Variants in APLF observed in about 807,000 individuals in gnomAD.
APLF encodes aprataxin and PNK-like factor.
Under a neutral mutation model 55.6 loss-of-function variants are expected in APLF, and 61 were observed. The ratio of observed to expected loss-of-function variants is 1.10; its 90% CI spans 0.89 to 1.36. The LOEUF (loss-of-function observed/expected upper bound fraction) is 1.36, where lower values mean the gene tolerates loss of function less well. Among genes scored for constraint, APLF ranks in the 40% most tolerant of loss-of-function variants. The pLI, the probability that APLF is intolerant of heterozygous loss-of-function variation, is 0.00. For missense variants in APLF, 611 were observed against 602.5 expected, an observed-to-expected ratio of 1.01 and a Z score of -0.15; for synonymous variants, 207 against 214.8, an observed-to-expected ratio of 0.96 and a Z score of 0.32.
chr2:68,487,346 A>G (rs749655323), intron 1 of APLF, among the ~76,000 whole-genome samples: 1 of 152,146 alleles, frequency 6.6e-6, no homozygotes, highest in Non-Finnish European at 1.5e-5. Context: ...GAGGGATGCA[A>G]TACAACGTTA....
intron 1 of APLF, among the ~76,000 whole-genome samples, chr2:68,476,820 A>C (rs996059679): frequency 6.6e-6 from 1 of 152,154 alleles, no homozygotes; most frequent in Non-Finnish European, 1.5e-5. Flanking sequence ...TCCTGGAAAT[A>C]GAAGTGATGG....
At chr2:68,513,721 A>T (rs756524069) in intron 5 of APLF, 41 bp downstream of exon 5, 1 of 1,594,446 alleles carries the variant, frequency 6.3e-7, no homozygotes, top group Non-Finnish European at 8.5e-7. Flanking sequence ...TAAAGGAAAC[A>T]TTAAACAGAA....
Position 68,477,514 on chromosome 2 carries a change from G to A in APLF, c.96+9687G>A, listed in dbSNP as rs549159427. On this transcript the variant is annotated intron_variant, in intron 1 of 9. Coordinates refer to ENST00000303795, the MANE Select transcript of APLF (RefSeq NM_173545.3). Reference sequence around the variant, plus strand: ...AAATTAGCTAGGCATGGTGGTACATGCCTGTAATCCCAGCTACTCGGAGGC... The same window carrying A: ...AAATTAGCTAGGCATGGTGGTACATACCTGTAATCCCAGCTACTCGGAGGC... Among the ~76,000 whole-genome samples the A allele has an allele frequency of 6.6e-5, 10 of 152,130 alleles. No individual in the cohort carries two copies. The South Asian group carries it at 2.1e-3, about 32-fold the overall frequency.
intron 3 of APLF, among the ~76,000 whole-genome samples, chr2:68,505,025 A>G (rs575877345): frequency 2.2e-4 from 34 of 152,180 alleles, no homozygotes; most frequent in South Asian, 6.2e-4. Flanking sequence ...AAACTAATCA[A>G]ATTTCACACT....
chr2:68,566,486 A>G (rs1285757392), intron 8 of APLF, among the ~76,000 whole-genome samples: 1 of 152,096 alleles, frequency 6.6e-6, no homozygotes, highest in Non-Finnish European at 1.5e-5. Context: ...CATTCAGCCA[A>G]TACTTGCTGA....
At chr2:68,499,023 A>G (rs950275965) in intron 2 of APLF, among the ~76,000 whole-genome samples, 3 of 152,138 alleles carry the variant, frequency 2.0e-5, no homozygotes, top group African/African-American at 7.2e-5. Context: ...TTAAAAAAAA[A>G]AGCTTTCCAA....
At chr2:68,561,613 A>G (rs1206470569) in intron 8 of APLF, among the ~76,000 whole-genome samples, 3 of 152,120 alleles carry the variant, frequency 2.0e-5, no homozygotes, top group Non-Finnish European at 4.4e-5. Context: ...TTCCTGAGGA[A>G]GTAATGTGCG....
intron 5 of APLF, among the ~76,000 whole-genome samples, chr2:68,521,733 C>T (rs1352830763): frequency 2.0e-5 from 3 of 151,940 alleles, no homozygotes; most frequent in Admixed American, 2.0e-4. Context: ...ATCTTCTAAG[C>T]TACCAACGTG....
intron 2 of APLF, among the ~76,000 whole-genome samples, chr2:68,492,833 T>C (rs1676414051): frequency 1.3e-5 from 2 of 152,216 alleles, no homozygotes; most frequent in Admixed American, 1.3e-4. Flanking sequence ...ATTTAAGTTA[T>C]ACCTCTGTTT....
chr2:68,511,118 A>G (rs1337273424), intron 3 of APLF, among the ~76,000 whole-genome samples: 1 of 151,792 alleles, frequency 6.6e-6, no homozygotes, highest in African/African-American at 2.4e-5. Context: ...AACTCTGTTA[A>G]CATACTAATA....
chr2:68,574,061 T>C (rs1241037467), intron 9 of APLF, among the ~76,000 whole-genome samples: 2 of 151,386 alleles, frequency 1.3e-5, no homozygotes, highest in African/African-American at 4.9e-5. Flanking sequence ...TACCTGGACT[T>C]AGAAGTGTTA....
chr2:68,537,836 C>T (rs745457167), intron 6 of APLF, 36 bp from the exon 7 acceptor site: 170 of 1,422,186 alleles, frequency 1.2e-4, no homozygotes, highest in Non-Finnish European at 1.5e-4. Context: ...AAAAATGTTT[C>T]ATTTATTTCT....
chr2:68,572,982 A>G (rs946098179), intron 9 of APLF, among the ~76,000 whole-genome samples: 2 of 152,222 alleles, frequency 1.3e-5, no homozygotes, highest in African/African-American at 4.8e-5. Context: ...TAACAGTGAA[A>G]TTTTAAATTG....
chr2:68,508,143 A>G (rs1418046670), intron 3 of APLF, among the ~76,000 whole-genome samples: 2 of 151,946 alleles, frequency 1.3e-5, no homozygotes, highest in South Asian at 4.1e-4. Flanking sequence ...AGACTTAAGA[A>G]TAACTTAATT....
chr2:68,561,987 T>C (rs1671178673), intron 8 of APLF, among the ~76,000 whole-genome samples: 1 of 152,022 alleles, frequency 6.6e-6, no homozygotes, highest in South Asian at 2.1e-4. Flanking sequence ...ATGGAATCCA[T>C]GTAAGTGTCC....
intron 9 of APLF, among the ~76,000 whole-genome samples, chr2:68,570,645 A>G (rs1440592122): frequency 6.6e-6 from 1 of 152,168 alleles, no homozygotes; most frequent in African/African-American, 2.4e-5. Context: ...ATGGCTGCAT[A>G]GTATTCCACG....
At chr2:68,518,752 T>TATAATAAAATATTAATAATATATCATTAC (rs1669762003) in intron 5 of APLF, among the ~76,000 whole-genome samples, 3 of 121,476 alleles carry the variant, frequency 2.5e-5, no homozygotes, top group African/African-American at 1.0e-4. Flanking sequence ...ATCATTAATA[T>TATAATAAAATATTAATAATATATCATTAC]ATAATAAAAT....
chr2:68,508,128 T>C (rs992434767), intron 3 of APLF, among the ~76,000 whole-genome samples: 1 of 151,824 alleles, frequency 6.6e-6, no homozygotes, highest in African/African-American at 2.4e-5. Context: ...TGGAATATAT[T>C]TGAAAGACTT....
chr2:68,560,989 ATAT>A (rs201103580), intron 8 of APLF, among the ~76,000 whole-genome samples: 2,099 of 152,242 alleles, frequency 0.014, 40 homozygotes, highest in African/African-American at 0.046. Context: ...ATGTTAGAAA[ATAT>A]TATATAAATG....
Sources: allele counts gnomAD v4.1 joint callset (sites outside exome capture counted in the v4.1 genomes callset), GRCh38; gene constraint gnomAD v4.1.1; transcripts MANE v1.5; gene names NCBI Gene and HGNC (gene_info 2026-07-23, HGNC 2026-07-21).